Variants in BEND5 observed in about 807,000 individuals in gnomAD.
BEND5 encodes BEN domain-containing protein 5.
In BEND5, 22 loss-of-function variants were observed where a neutral mutation model predicts 43.9. The observed-to-expected ratio is 0.50, with a 90% CI of 0.36 to 0.72. The LOEUF is 0.72. BEND5 is among the 30% of genes least tolerant of loss of function. BEND5 has a pLI of 0.00. For missense variants in BEND5, 428 were observed against 550.6 expected (o/e 0.78, Z 2.23); for synonymous variants, 228 against 225.9 (o/e 1.01, Z -0.08).
intron 3 of BEND5, among the ~76,000 whole-genome samples, chr1:48,752,693 C>T (rs1651930494): frequency 6.6e-6 from 1 of 152,154 alleles, no homozygotes; most frequent in African/African-American, 2.4e-5. Flanking sequence ...TGATGCAGTA[C>T]CTACTGAGCA....
chr1:48,764,314 A>C (rs2148670301), intron 1 of BEND5, among the ~76,000 whole-genome samples: 1 of 152,336 alleles, frequency 6.6e-6, no homozygotes, highest in African/African-American at 2.4e-5. Flanking sequence ...AATTGAAGTG[A>C]ATAATTCCTA....
intron 4 of BEND5, 76 bp downstream of exon 4, chr1:48,742,547 G>A: frequency 7.5e-7 from 1 of 1,332,854 alleles, no homozygotes; most frequent in Non-Finnish European, 9.7e-7. Flanking sequence ...GATTTGGAAA[G>A]CTCCCACCAT....
In BEND5 at chr1:48,736,173, C is replaced by T. The variant is rs559422934; in HGVS notation, c.1108+66G>A. ...TAAGTAATCGTTGAATTGAATTGTG[C>T]CTAACACATTCTTGACAGAGTAAAA... On this transcript the variant is annotated intron_variant, in intron 5 of 5. Coordinates refer to ENST00000371833, the MANE Select transcript of BEND5 (RefSeq NM_024603.4). The surrounding 1 kb of genome is among the most constrained non-coding windows in gnomAD (Gnocchi z 4.0). 12 of 1,516,744 alleles carry T rather than the reference C, an allele frequency of 7.9e-6. No individual in the cohort carries two copies. Among genetic ancestry groups the T allele is most frequent in the South Asian group, 2.3e-5 (2 of 88,594 alleles). 94.0% of individuals were successfully genotyped at this position (1,516,744 alleles called of 1,614,324 possible).
rs1218504040 is a variant in BEND5, at chr1:48,776,846, G to A, written c.-15C>T. ...AAGGCGTACATGGTGGGCGCCGGGG[G>A]CGGGCCCCGGTCGGGCAGCTCAGCC... is the stretch of plus-strand genomic sequence containing the variant. On this transcript the variant is annotated 5_prime_UTR_variant, in exon 1 of 6. Coordinates refer to ENST00000371833, the MANE Select transcript of BEND5 (RefSeq NM_024603.4). 3 of 1,491,822 alleles carry A rather than the reference G, an allele frequency of 2.0e-6. No homozygotes were observed. Among genetic ancestry groups the A allele is most frequent in the Non-Finnish European group, 1.8e-6 (2 of 1,122,250 alleles). The allele number at this position is 1,491,822 out of a possible 1,614,324, so 92.4% of individuals were successfully genotyped here. A position where few individuals can be genotyped will look rare whatever the true frequency, so the allele number is the denominator to read the frequency against.
chr1:48,727,981 A>C lies in BEND5; in HGVS notation c.1171T>G (p.Ser391Ala). 6.2e-7 allele frequency: 1 copy of C among 1,612,516 alleles called. No homozygotes were observed. Among genetic ancestry groups the C allele is most frequent in the Non-Finnish European group, 8.5e-7 (1 of 1,178,888 alleles). Residue 391 changes from serine (S) to alanine (A), a missense_variant, in exon 6 of 6, where the codon TCC (serine) becomes GCC (alanine). Transcript: ENST00000371833. ...VDETEIAQRLSKVNKYICEKI... is the reference protein window; with the variant it reads ...VDETEIAQRLAKVNKYICEKI... ...TCACAGATGTACTTGTTGACTTTGG[A>C]GAGTCTCTGTGCAATTTCAGTTTCA...
chr1:48,758,696 C>G (rs1570546451), intron 3 of BEND5, among the ~76,000 whole-genome samples: 3 of 152,316 alleles, frequency 2.0e-5, no homozygotes, highest in Admixed American at 6.5e-5. Context: ...GTTCCCATAG[C>G]TGAGGCTGCT....
At chr1:48,756,414 C>T (rs1364188502) in intron 3 of BEND5, among the ~76,000 whole-genome samples, 2 of 152,158 alleles carry the variant, frequency 1.3e-5, no homozygotes, top group East Asian at 3.8e-4. Flanking sequence ...TTCCCCTCAT[C>T]AAACTTTAAA....
chr1:48,772,174 G>A (rs768167794), intron 1 of BEND5, among the ~76,000 whole-genome samples: 1 of 152,226 alleles, frequency 6.6e-6, no homozygotes, highest in Non-Finnish European at 1.5e-5. Flanking sequence ...GGCAGGAAGA[G>A]AGGCACATTC....
rs139080504 is a variant in BEND5 at position 48,747,539 on chromosome 1, T to C, written c.746-4768A>G. 5.9e-3 allele frequency among the ~76,000 whole-genome samples: 905 copies of C among 152,314 alleles called. 10 individuals carry two copies. The highest frequency in any genetic ancestry group is 0.02 in the African/African-American group (850 of 41,562). On this transcript the variant is annotated intron_variant, in intron 3 of 5. Transcript: ENST00000371833. ...AGATTTAACATGTGAAACACTATTATATAGCATACAAATAACTCTGATTTA... is the reference window on the plus strand; with the variant it reads ...AGATTTAACATGTGAAACACTATTACATAGCATACAAATAACTCTGATTTA...
At chr1:48,747,755 G>A (rs949229411) in intron 3 of BEND5, among the ~76,000 whole-genome samples, 3 of 152,110 alleles carry the variant, frequency 2.0e-5, no homozygotes, top group South Asian at 2.1e-4. Context: ...TTGTTGTATC[G>A]TAAACTGGAC....
intron 5 of BEND5, among the ~76,000 whole-genome samples, chr1:48,731,069 A>G (rs184833705): frequency 5.9e-5 from 9 of 152,344 alleles, no homozygotes; most frequent in Non-Finnish European, 1.2e-4. Flanking sequence ...CTGTGAGCAT[A>G]AAGGCTTTTC....
Position 48,776,653 on chromosome 1 carries a change from T to TCG in BEND5, c.177_178dup (p.Asp60AlafsTer27). On this transcript the variant is annotated frameshift_variant, in exon 1 of 6. Transcript: ENST00000371833. LOFTEE classifies it high-confidence loss of function. Reference sequence around the variant, plus strand: ...CTTGTGGAGCAACAGCGCGCCCCAGTCGCGGGGGGCGCGCGGGGGGCTCTC... The same window carrying TCG: ...CTTGTGGAGCAACAGCGCGCCCCAGTCGCGCGGGGGGCGCGCGGGGGGCTCTC... The TCG allele has an allele frequency of 6.7e-7, 1 of 1,488,166 alleles. No homozygotes were observed. Among genetic ancestry groups the TCG allele is most frequent in the Non-Finnish European group, 8.9e-7 (1 of 1,122,148 alleles). 92.2% of individuals were successfully genotyped at this position (1,488,166 alleles called of 1,614,324 possible). A position where few individuals can be genotyped will look rare whatever the true frequency, so the allele number is the denominator to read the frequency against.
rs1053314619 is a variant in BEND5 at position 48,757,521 on chromosome 1, G to C, written c.745+1379C>G. ...GTCCAGCCTATGAATTGAGTGACTA[G>C]AGTTGAGACAGAACTCTACCTCTGC... On this transcript the variant is annotated intron_variant, in intron 3 of 5. Transcript: ENST00000371833. 8.5e-5 allele frequency among the ~76,000 whole-genome samples: 13 copies of C among 152,260 alleles called. No individual in the cohort carries two copies. In the South Asian group the frequency reaches 2.5e-3, roughly 29 times the overall value.
chr1:48,757,919 C>A (rs1027065763), intron 3 of BEND5, among the ~76,000 whole-genome samples: 1 of 152,160 alleles, frequency 6.6e-6, no homozygotes, highest in African/African-American at 2.4e-5. Flanking sequence ...TTGTGTTATA[C>A]CGATTTCCTC....
chr1:48,743,019 G>T (rs940665258), intron 3 of BEND5, among the ~76,000 whole-genome samples: 11 of 152,210 alleles, frequency 7.2e-5, no homozygotes, highest in African/African-American at 2.7e-4. Flanking sequence ...CACTCTTCCA[G>T]GGTGTCATTG....
rs1467763405 is a variant in BEND5 at position 48,727,771 on chromosome 1, T to C, written c.*115A>G. On this transcript the variant is annotated 3_prime_UTR_variant, in exon 6 of 6. Coordinates refer to ENST00000371833, the MANE Select transcript of BEND5 (RefSeq NM_024603.4). ...ACAAGCCGCTGACCCCAGAACCCGA[T>C]GGATCCCTGCACACACACCACCATG... is the stretch of plus-strand genomic sequence containing the variant. 3.0e-6 allele frequency: 3 copies of C among 1,007,408 alleles called. No individual in the cohort carries two copies. Among genetic ancestry groups the C allele is most frequent in the African/African-American group, 1.6e-5 (1 of 61,770 alleles). 62.4% of individuals were successfully genotyped at this position (1,007,408 alleles called of 1,614,324 possible). A position where few individuals can be genotyped will look rare whatever the true frequency, so the allele number is the denominator to read the frequency against.
chr1:48,732,970 G>A (rs1466424983), intron 5 of BEND5, among the ~76,000 whole-genome samples: 2 of 152,222 alleles, frequency 1.3e-5, no homozygotes, highest in African/African-American at 4.8e-5. Context: ...CAGTGCCAGT[G>A]AGACTGTGAG....
chr1:48,736,361 G>A lies in BEND5; in HGVS notation c.986C>T (p.Ala329Val). The change falls in exon 5 of 6, where the codon GCA (alanine) becomes GTA (valine). Residue 329 changes from alanine to valine, a missense_variant. By Grantham distance (64) the Ala-to-Val change is moderately conservative. Coordinates refer to ENST00000371833, the MANE Select transcript of BEND5 (RefSeq NM_024603.4). This position sits in a 1 kb window ranked among gnomAD's most constrained non-coding sequence, Gnocchi z 4.0. Reference protein sequence around the residue: ...QGDSKYTKNLAVMIWGTDVLK... With the variant: ...QGDSKYTKNLVVMIWGTDVLK... ...AACATCTGTTCCCCAAATCATAACT[G>A]CCAAGTTCTTCGTGTACTTGGAATC... 6.2e-7 allele frequency: 1 copy of A among 1,614,040 alleles called. No individual in the cohort carries two copies. The highest frequency in any genetic ancestry group is 8.5e-7 in the Non-Finnish European group (1 of 1,179,990).
intron 3 of BEND5, among the ~76,000 whole-genome samples, chr1:48,758,546 ACTTCTTT>A (rs1309235854): frequency 1.3e-5 from 2 of 152,218 alleles, no homozygotes; most frequent in Non-Finnish European, 2.9e-5. Flanking sequence ...GATCATGTCT[ACTTCTTT>A]TTACTATCCT....
Sources: allele counts gnomAD v4.1 joint callset (sites outside exome capture counted in the v4.1 genomes callset), GRCh38; gene constraint gnomAD v4.1.1; non-coding constraint Gnocchi (gnomAD v3.1); transcripts MANE v1.5; gene names NCBI Gene and HGNC (gene_info 2026-07-23, HGNC 2026-07-21).